Variants in CHCHD6 observed in about 807,000 individuals in gnomAD.
CHCHD6 encodes MICOS complex subunit MIC25.
In CHCHD6, 28 loss-of-function variants were observed where a neutral mutation model predicts 32.3. That is an observed-to-expected ratio of 0.87 (90% confidence interval 0.64 to 1.19). The LOEUF is 1.19. Among genes scored for constraint, CHCHD6 ranks in the 50% most tolerant of loss-of-function variants. The pLI is 0.00. For missense variants in CHCHD6, 333 were observed against 307.0 expected, an observed-to-expected ratio of 1.08 and a Z score of -0.63; for synonymous variants, 122 against 117.5, an observed-to-expected ratio of 1.04 and a Z score of -0.25.
At chr3:126,847,633 C>T (rs1380641257) in intron 4 of CHCHD6, among the ~76,000 whole-genome samples, 1 of 152,214 alleles carries the variant, frequency 6.6e-6, no homozygotes, top group Non-Finnish European at 1.5e-5. Flanking sequence ...TGGAGATCAT[C>T]AGGGGCCATC....
In CHCHD6 at chr3:126,955,388, C is replaced by G. The variant is rs183985151; in HGVS notation, c.567-2028C>G. Among the ~76,000 whole-genome samples the G allele has an allele frequency of 1.4e-4, 21 of 152,370 alleles. No homozygotes were observed. In the East Asian group the frequency reaches 2.7e-3, roughly 20 times the overall value. On this transcript the variant is annotated intron_variant, in intron 6 of 7. Coordinates refer to ENST00000290913, the MANE Select transcript of CHCHD6 (RefSeq NM_032343.3). ...AAGTCAATGCAGATAAAACCCCCCC[C>G]ACCCAGTCCTCTTCAGGAAATAAGA...
intron 4 of CHCHD6, among the ~76,000 whole-genome samples, chr3:126,762,765 A>G (rs1937209447): frequency 6.6e-6 from 1 of 152,136 alleles, no homozygotes; most frequent in Admixed American, 6.5e-5. Context: ...GTGCATGTAT[A>G]TTTATACTTG....
At chr3:126,810,749 T>C (rs1476616894) in intron 4 of CHCHD6, among the ~76,000 whole-genome samples, 2 of 152,226 alleles carry the variant, frequency 1.3e-5, no homozygotes, top group African/African-American at 4.8e-5. Context: ...TTTTGTAAGT[T>C]TAAAACTATT....
chr3:126,766,837 G>A, intron 4 of CHCHD6: 1 of 962,750 alleles, frequency 1.0e-6, no homozygotes, highest in South Asian at 1.3e-5. Context: ...ATAGATCTGG[G>A]ACACCCGATG....
At chr3:126,832,134 G>A (rs998541123) in intron 4 of CHCHD6, among the ~76,000 whole-genome samples, 1 of 152,200 alleles carries the variant, frequency 6.6e-6, no homozygotes, top group African/African-American at 2.4e-5. Context: ...TAGAGAAACT[G>A]AGGCTCAGAG....
intron 6 of CHCHD6, among the ~76,000 whole-genome samples, chr3:126,951,012 T>C (rs760998388): frequency 6.6e-6 from 1 of 152,194 alleles, no homozygotes; most frequent in African/African-American, 2.4e-5. Flanking sequence ...GAAATTGATA[T>C]GGTTTGGCTG....
At chr3:126,888,482 C>T (rs1407985638) in intron 5 of CHCHD6, among the ~76,000 whole-genome samples, 1 of 152,194 alleles carries the variant, frequency 6.6e-6, no homozygotes, top group African/African-American at 2.4e-5. Context: ...AGCCACCAAG[C>T]CACTCACTGC....
In CHCHD6 at chr3:126,782,150, G is replaced by A. The variant is rs558200804; in HGVS notation, c.411+48928G>A. 1.6e-4 allele frequency among the ~76,000 whole-genome samples: 25 copies of A among 152,324 alleles called. 1 individual carries two copies. In the South Asian group the frequency reaches 5.0e-3, roughly 30 times the overall value. On this transcript the variant is annotated intron_variant, in intron 4 of 7. Coordinates refer to ENST00000290913, the MANE Select transcript of CHCHD6 (RefSeq NM_032343.3). ...GCAAGGCAGTGAACAACAAGCCAAT[G>A]ATTAATTGCCCTTTCTAAATTGTAA...
intron 6 of CHCHD6, among the ~76,000 whole-genome samples, chr3:126,919,249 T>G (rs1333167118): frequency 6.6e-6 from 1 of 152,086 alleles, no homozygotes; most frequent in Admixed American, 6.5e-5. Context: ...TTTTAATGAT[T>G]TACAGATTTA....
chr3:126,798,767 G>T (rs985954834), intron 4 of CHCHD6, among the ~76,000 whole-genome samples: 2 of 152,144 alleles, frequency 1.3e-5, no homozygotes, highest in Admixed American at 1.3e-4. Context: ...ACCAGATGTT[G>T]GTTGAATTTC....
intron 4 of CHCHD6, among the ~76,000 whole-genome samples, chr3:126,761,405 C>T (rs762496901): frequency 1.3e-5 from 2 of 152,108 alleles, no homozygotes; most frequent in Non-Finnish European, 2.9e-5. Context: ...TTAGGGCCCA[C>T]CATAATACAG....
At chr3:126,721,758 A>G (rs143627411) in intron 1 of CHCHD6, among the ~76,000 whole-genome samples, 10 of 93,074 alleles carry the variant, frequency 1.1e-4, no homozygotes, top group African/African-American at 4.3e-4. Flanking sequence ...ATCAGTCCCC[A>G]CCCCGGTCCC....
chr3:126,946,631 G>C (rs577770687), intron 6 of CHCHD6, among the ~76,000 whole-genome samples: 486 of 152,146 alleles, frequency 3.2e-3, no homozygotes, highest in Non-Finnish European at 4.6e-3. Flanking sequence ...GGACCTCTGG[G>C]TTCCACTTAC....
At chr3:126,851,540 G>T (rs1448734647) in intron 4 of CHCHD6, among the ~76,000 whole-genome samples, 1 of 152,184 alleles carries the variant, frequency 6.6e-6, no homozygotes, top group Non-Finnish European at 1.5e-5. Context: ...ACAAGCAGTT[G>T]GTGTTATTCC....
chr3:126,714,289 A>G (rs1934905463), intron 1 of CHCHD6, among the ~76,000 whole-genome samples: 1 of 151,886 alleles, frequency 6.6e-6, no homozygotes, highest in African/African-American at 2.4e-5. Flanking sequence ...TTATTTTTTA[A>G]AATCAGGCTT....
chr3:126,861,460 T>C (rs1180924154), intron 5 of CHCHD6, among the ~76,000 whole-genome samples: 1 of 151,876 alleles, frequency 6.6e-6, no homozygotes, highest in Admixed American at 6.6e-5. Context: ...GGAGGAGCTC[T>C]CAGTAAGCAC....
At chr3:126,797,201 T>C (rs2107688787) in intron 4 of CHCHD6, among the ~76,000 whole-genome samples, 1 of 152,318 alleles carries the variant, frequency 6.6e-6, no homozygotes, top group African/African-American at 2.4e-5. Context: ...GGTTGCCACC[T>C]GGGCATGTGG....
At chr3:126,858,722 C>T (rs376037186) in intron 5 of CHCHD6, among the ~76,000 whole-genome samples, 61 of 152,232 alleles carry the variant, frequency 4.0e-4, no homozygotes, top group African/African-American at 1.4e-3. Context: ...CATCTGTTTG[C>T]ACCCGGCCCG....
chr3:126,780,789 A>G (rs998119318), intron 4 of CHCHD6, among the ~76,000 whole-genome samples: 3 of 152,198 alleles, frequency 2.0e-5, no homozygotes, highest in Non-Finnish European at 4.4e-5. Context: ...ACACCCAACT[A>G]TCAGAGGCTT....
Sources: gnomAD v4.1 joint callset for allele counts (sites outside exome capture counted in the v4.1 genomes callset) on GRCh38, gnomAD v4.1.1 for gene constraint, MANE v1.5 for transcripts, NCBI Gene and HGNC (gene_info 2026-07-23, HGNC 2026-07-21) for gene names.